ZNF385D: variants seen among roughly 807,000 people sequenced by gnomAD.
ZNF385D encodes zinc finger protein 385D.
In ZNF385D, 15 loss-of-function variants were observed where a neutral mutation model predicts 35.8. The observed-to-expected ratio is 0.42, with a 90% CI of 0.28 to 0.64. The LOEUF (loss-of-function observed/expected upper bound fraction) is 0.64, where lower values mean the gene tolerates loss of function less well. ZNF385D is among the 30% of genes least tolerant of loss of function. The pLI, the probability that ZNF385D is intolerant of heterozygous loss-of-function variation, is 0.23. For synonymous variants in ZNF385D, 212 were observed against 186.8 expected, an observed-to-expected ratio of 1.13 and a Z score of -1.10; for missense variants, 474 against 494.6, an observed-to-expected ratio of 0.96 and a Z score of 0.39.
intron 7 of ZNF385D, among the ~76,000 whole-genome samples, chr3:21,422,687 A>G (rs1700799652): frequency 1.3e-5 from 2 of 152,244 alleles, no homozygotes. Flanking sequence ...GGTTCAACAT[A>G]TGCAAATCAA....
At chr3:22,297,030 C>T (rs1575064592) in intron 2 of ZNF385D, among the ~76,000 whole-genome samples, 2 of 152,172 alleles carry the variant, frequency 1.3e-5, no homozygotes, top group Admixed American at 1.3e-4. Flanking sequence ...CCTCATACTC[C>T]CCCTGCAATT....
intron 1 of ZNF385D, among the ~76,000 whole-genome samples, chr3:21,746,078 C>A (rs1223798115): frequency 6.6e-6 from 1 of 152,194 alleles, no homozygotes; most frequent in Non-Finnish European, 1.5e-5. Flanking sequence ...CACACACCAA[C>A]CAACACATCT....
intron 3 of ZNF385D, among the ~76,000 whole-genome samples, chr3:22,050,848 T>C (rs993851334): frequency 6.6e-6 from 1 of 152,220 alleles, no homozygotes; most frequent in Admixed American, 6.5e-5. Flanking sequence ...TTCACTTTTC[T>C]GACCCTTAAA....
intron 3 of ZNF385D, among the ~76,000 whole-genome samples, chr3:21,942,875 G>C (rs530163288): frequency 6.6e-6 from 1 of 152,166 alleles, no homozygotes; most frequent in South Asian, 2.1e-4. Context: ...AAAAACATAG[G>C]ATTTCACCAA....
At chr3:21,514,754 T>C (rs2125480635) in intron 3 of ZNF385D, among the ~76,000 whole-genome samples, 1 of 152,136 alleles carries the variant, frequency 6.6e-6, no homozygotes, top group Middle Eastern at 3.4e-3. Flanking sequence ...TATTAAACCT[T>C]TCCTGGTTCT....
intron 1 of ZNF385D, among the ~76,000 whole-genome samples, chr3:21,726,275 G>C (rs1017847122): frequency 1.3e-5 from 2 of 152,158 alleles, no homozygotes; most frequent in African/African-American, 4.8e-5. Flanking sequence ...CATAAGACAA[G>C]GATGCCCTCT....
At chr3:21,608,209 C>G (rs2125782519) in intron 2 of ZNF385D, among the ~76,000 whole-genome samples, 1 of 151,922 alleles carries the variant, frequency 6.6e-6, no homozygotes, top group African/African-American at 2.4e-5. Context: ...TGGAGTTTCA[C>G]CATGTTACCC....
chr3:22,213,309 A>C (rs1697646617), intron 2 of ZNF385D, among the ~76,000 whole-genome samples: 1 of 152,180 alleles, frequency 6.6e-6, no homozygotes, highest in African/African-American at 2.4e-5. Context: ...TTATATTTAC[A>C]ACCATTTAAA....
intron 3 of ZNF385D, among the ~76,000 whole-genome samples, chr3:22,117,266 G>C (rs1484224460): frequency 2.6e-5 from 4 of 152,002 alleles, no homozygotes; most frequent in Non-Finnish European, 5.9e-5. Context: ...GATTAAATAG[G>C]AACTCAGAGC....
chr3:21,889,746 A>G (rs1420138985), intron 3 of ZNF385D, among the ~76,000 whole-genome samples: 1 of 152,148 alleles, frequency 6.6e-6, no homozygotes, highest in Non-Finnish European at 1.5e-5. Context: ...ATGACAAAGT[A>G]CCATAAACTG....
chr3:21,476,708 G>A (rs1046651610), intron 4 of ZNF385D, among the ~76,000 whole-genome samples: 1 of 151,882 alleles, frequency 6.6e-6, no homozygotes, highest in Non-Finnish European at 1.5e-5. Context: ...AATTAAAATA[G>A]AACCTTTCTC....
chr3:21,817,274 G>A (rs887507961), intron 3 of ZNF385D, among the ~76,000 whole-genome samples: 3 of 152,146 alleles, frequency 2.0e-5, no homozygotes, highest in Non-Finnish European at 4.4e-5. Flanking sequence ...ATAGGCATGG[G>A]CAAGGACTTC....
chr3:22,342,382 T>A (rs1000145880), intron 2 of ZNF385D, among the ~76,000 whole-genome samples: 1 of 151,804 alleles, frequency 6.6e-6, no homozygotes, highest in Non-Finnish European at 1.5e-5. Context: ...TTAGTTTTAA[T>A]ATCTCCTGTA....
At chr3:22,130,686 T>C (rs986696774) in intron 3 of ZNF385D, among the ~76,000 whole-genome samples, 12 of 152,128 alleles carry the variant, frequency 7.9e-5, no homozygotes, top group African/African-American at 2.7e-4. Flanking sequence ...TGCTGGGAGA[T>C]AGGAGAGGGG....
chr3:21,470,794 T>A (rs1295257892), intron 4 of ZNF385D, among the ~76,000 whole-genome samples: 1 of 152,050 alleles, frequency 6.6e-6, no homozygotes, highest in Non-Finnish European at 1.5e-5. Context: ...AAAAATCCTG[T>A]CTTTTTGTAG....
At chr3:22,069,170 T>C (rs1700112345) in intron 3 of ZNF385D, among the ~76,000 whole-genome samples, 1 of 152,212 alleles carries the variant, frequency 6.6e-6, no homozygotes, top group Non-Finnish European at 1.5e-5. Flanking sequence ...TCTCCTTATA[T>C]CTCATTGGTT....
chr3:21,678,770 G>A (rs1390433445), intron 1 of ZNF385D, among the ~76,000 whole-genome samples: 5 of 152,054 alleles, frequency 3.3e-5, no homozygotes, highest in African/African-American at 9.7e-5. Context: ...GCATTTTCCT[G>A]AATGATTCTG....
intron 3 of ZNF385D, among the ~76,000 whole-genome samples, chr3:21,912,273 C>G (rs1337368984): frequency 6.6e-6 from 1 of 150,914 alleles, no homozygotes; most frequent in African/African-American, 2.5e-5. Flanking sequence ...ACAATAATAA[C>G]CCCAAGTAGT....
chr3:21,707,147 G>C (rs555713048), intron 1 of ZNF385D, among the ~76,000 whole-genome samples: 4 of 152,040 alleles, frequency 2.6e-5, no homozygotes, highest in African/African-American at 9.7e-5. Context: ...CACACTGCCA[G>C]GAGAAAAGGA....
Sources: allele counts gnomAD v4.1 joint callset (sites outside exome capture counted in the v4.1 genomes callset), GRCh38; gene constraint gnomAD v4.1.1; transcripts MANE v1.5; gene names NCBI Gene and HGNC (gene_info 2026-07-23, HGNC 2026-07-21).